The following XNDC1N variants were observed in gnomAD, a reference collection of about 807,000 sequenced individuals.
The protein encoded by XNDC1N is protein XNDC1N.
the XNDC1N span, among the ~76,000 whole-genome samples, chr11:71,891,515 A>T: frequency 6.6e-6 from 1 of 151,960 alleles, no homozygotes; most frequent in Non-Finnish European, 1.5e-5. Flanking sequence ...GGTTGTACAC[A>T]CCCTGCGACA....
the XNDC1N span, among the ~76,000 whole-genome samples, chr11:71,877,287 A>T: frequency 2.0e-5 from 3 of 151,690 alleles, no homozygotes; most frequent in South Asian, 2.1e-4. Flanking sequence ...GAAACCATCT[A>T]GAAAGGAATG....
the XNDC1N span, among the ~76,000 whole-genome samples, chr11:71,876,001 G>A: frequency 0.2 from 31,041 of 151,924 alleles, 5,893 homozygotes; most frequent in African/African-American, 0.5. Context: ...CTCCAGCCTG[G>A]GTGACAGAGT....
At chr11:71,871,310 G>C in the XNDC1N span, among the ~76,000 whole-genome samples, 7 of 152,164 alleles carry the variant, frequency 4.6e-5, no homozygotes, top group African/African-American at 1.4e-4. Flanking sequence ...TCACTTATTT[G>C]TGGAATCTAA....
chr11:71,865,770 A>G, the XNDC1N span: 2 of 394,024 alleles, frequency 5.1e-6, no homozygotes, highest in South Asian at 3.7e-5. Context: ...TGAGAAGAAC[A>G]GTTTTTTTTT....
the XNDC1N span, among the ~76,000 whole-genome samples, chr11:71,870,795 TA>T: frequency 1.3e-5 from 2 of 152,174 alleles, no homozygotes; most frequent in African/African-American, 4.8e-5. Flanking sequence ...TCAACCTCAC[TA>T]ATCATTAGGG....
the XNDC1N span, among the ~76,000 whole-genome samples, chr11:71,896,730 ATGT>A: frequency 6.6e-6 from 1 of 152,172 alleles, no homozygotes; most frequent in Non-Finnish European, 1.5e-5. Flanking sequence ...CGCCCAGCTA[ATGT>A]TGTATTTCTG....
the XNDC1N span, among the ~76,000 whole-genome samples, chr11:71,893,147 G>C: frequency 6.6e-6 from 1 of 152,144 alleles, no homozygotes; most frequent in Admixed American, 6.5e-5. Context: ...CACTGTCATT[G>C]CATTGTATTT....
At chr11:71,925,635 A>C in the XNDC1N span, among the ~76,000 whole-genome samples, 1 of 152,176 alleles carries the variant, frequency 6.6e-6, no homozygotes, top group Non-Finnish European at 1.5e-5. Flanking sequence ...TAAAAATAAG[A>C]CATAGTCTCT....
the XNDC1N span, chr11:71,923,294 T>G: frequency 2.8e-6 from 2 of 702,802 alleles, no homozygotes; most frequent in Non-Finnish European, 5.2e-6. Flanking sequence ...AAATCATGCC[T>G]GCTGATTAAT....
chr11:71,883,969 A>G, the XNDC1N span, among the ~76,000 whole-genome samples: 2 of 152,286 alleles, frequency 1.3e-5, no homozygotes, highest in East Asian at 1.9e-4. Context: ...ATCTCTTCAC[A>G]TGGTTTTATC....
chr11:71,865,812 G>C, the XNDC1N span: 1 of 443,148 alleles, frequency 2.3e-6, no homozygotes, highest in Non-Finnish European at 4.5e-6. Context: ...TTATATTGTA[G>C]GATGTTTAGC....
the XNDC1N span, among the ~76,000 whole-genome samples, chr11:71,924,132 C>A: frequency 3.3e-5 from 5 of 152,206 alleles, no homozygotes; most frequent in African/African-American, 1.2e-4. Flanking sequence ...CACAACTTTT[C>A]TTCTCTTAAA....
chr11:71,898,732 CT>C, the XNDC1N span, among the ~76,000 whole-genome samples: 1 of 152,120 alleles, frequency 6.6e-6, no homozygotes, highest in Non-Finnish European at 1.5e-5. Context: ...GAGTGGAGAG[CT>C]TGGTGAATGG....
chr11:71,915,974 CGTGT>C, the XNDC1N span: 1 of 630,470 alleles, frequency 1.6e-6, no homozygotes, highest in Non-Finnish European at 2.9e-6. Flanking sequence ...TGTGTGTGTA[CGTGT>C]GTGTGTGTCT....
the XNDC1N span, chr11:71,903,207 T>C: frequency 3.9e-6 from 3 of 769,528 alleles, no homozygotes; most frequent in Non-Finnish European, 7.0e-6. Flanking sequence ...CCACAGAGTC[T>C]AACAGATGTC....
At chr11:71,886,265 C>G in the XNDC1N span, among the ~76,000 whole-genome samples, 3 of 152,250 alleles carry the variant, frequency 2.0e-5, no homozygotes, top group African/African-American at 7.2e-5. Flanking sequence ...ACCCACAACC[C>G]CACCTGGGCT....
the XNDC1N span, chr11:71,917,747 C>T: frequency 1.4e-6 from 1 of 703,232 alleles, no homozygotes; most frequent in Non-Finnish European, 2.6e-6. Flanking sequence ...TGGCCCACAT[C>T]AATTTGCAGG....
At chr11:71,909,916 C>T in the XNDC1N span, among the ~76,000 whole-genome samples, 1 of 152,014 alleles carries the variant, frequency 6.6e-6, no homozygotes, top group South Asian at 2.1e-4. Flanking sequence ...TATGGTTCTC[C>T]GAGAGGAGGA....
chr11:71,906,088 C>A, the XNDC1N span, among the ~76,000 whole-genome samples: 21 of 149,110 alleles, frequency 1.4e-4, no homozygotes, highest in African/African-American at 5.2e-4. Context: ...AGTAGTAGTA[C>A]CCAGCTAGCA....
Sources: allele counts gnomAD v4.1 joint callset (sites outside exome capture counted in the v4.1 genomes callset), GRCh38; gene constraint gnomAD v4.1.1; transcripts MANE v1.5; gene names NCBI Gene and HGNC (gene_info 2026-07-23, HGNC 2026-07-21).